The following NDST4 variants were observed in gnomAD, a reference collection of about 807,000 sequenced individuals.
NDST4 encodes N-heparan sulfate sulfotransferase 4.
A neutral mutation model predicts 100.8 loss-of-function variants in NDST4; 63 were observed. The observed-to-expected ratio is 0.62, with a 90% CI of 0.51 to 0.77. The LOEUF is 0.77. Ranked by LOEUF, NDST4 falls within the 30% of genes least tolerant of loss-of-function variation. The pLI is 0.00. For synonymous variants in NDST4, 377 were observed against 361.8 expected (o/e 1.04, Z -0.48); for missense variants, 943 against 1,018.4 (o/e 0.93, Z 1.01).
intron 13 of NDST4, among the ~76,000 whole-genome samples, chr4:114,828,756 T>A (rs1388727353): frequency 6.6e-6 from 1 of 152,128 alleles, no homozygotes; most frequent in Non-Finnish European, 1.5e-5. Context: ...TAACAATGCC[T>A]CCTTCATTGT....
intron 8 of NDST4, among the ~76,000 whole-genome samples, chr4:114,850,067 G>T (rs1044820503): frequency 2.6e-5 from 4 of 152,082 alleles, no homozygotes; most frequent in African/African-American, 9.7e-5. Flanking sequence ...TACTTTTTAA[G>T]ATAACACTTT....
At chr4:115,016,824 C>T (rs1727688393) in intron 2 of NDST4, among the ~76,000 whole-genome samples, 1 of 151,978 alleles carries the variant, frequency 6.6e-6, no homozygotes, top group Non-Finnish European at 1.5e-5. Context: ...GTCATCCCAC[C>T]AGGTAAAGAA....
intron 2 of NDST4, among the ~76,000 whole-genome samples, chr4:115,037,688 A>C (rs1728263487): frequency 6.6e-6 from 1 of 152,150 alleles, no homozygotes; most frequent in Non-Finnish European, 1.5e-5. Flanking sequence ...ATGACTAAAT[A>C]GTTGGTTTGA....
chr4:114,887,277 T>G (rs962888530), intron 6 of NDST4, among the ~76,000 whole-genome samples: 6 of 152,156 alleles, frequency 3.9e-5, no homozygotes, highest in Non-Finnish European at 7.4e-5. Context: ...GTGTAAAAAT[T>G]GATAGACTTC....
At chr4:115,047,345 C>A (rs1189014594) in intron 2 of NDST4, among the ~76,000 whole-genome samples, 1 of 151,922 alleles carries the variant, frequency 6.6e-6, no homozygotes, top group Admixed American at 6.6e-5. Flanking sequence ...TTGATAAATA[C>A]TTTTCAAGGC....
At chr4:114,878,137 C>T (rs28634928) in intron 6 of NDST4, among the ~76,000 whole-genome samples, 13,041 of 152,146 alleles carry the variant, frequency 0.086, 1,637 homozygotes, top group African/African-American at 0.27. Flanking sequence ...GGTTAGGCTA[C>T]TAAAAATTGT....
In NDST4 at chr4:115,059,393, T is replaced by C. The variant is rs374318216; in HGVS notation, c.978+16666A>G. Among the ~76,000 whole-genome samples, 11 of 152,098 alleles carry C rather than the reference T, an allele frequency of 7.2e-5. No homozygotes were observed. The East Asian group carries it at 9.6e-4, about 13-fold the overall frequency. ...TCTCCACACTGTGATTACCTTCATA[T>C]GGAAAAGGGTTTCATATGGTACACA... is the stretch of plus-strand genomic sequence containing the variant. On this transcript the variant is annotated intron_variant, in intron 2 of 13. Coordinates refer to ENST00000264363, the MANE Select transcript of NDST4 (RefSeq NM_022569.3).
intron 2 of NDST4, among the ~76,000 whole-genome samples, chr4:115,010,873 T>C (rs1475522805): frequency 2.6e-5 from 4 of 152,064 alleles, no homozygotes; most frequent in Non-Finnish European, 5.9e-5. Context: ...TTTGGTCACT[T>C]ACTAATAAAA....
At chr4:114,952,034 T>G (rs2126232390) in intron 4 of NDST4, among the ~76,000 whole-genome samples, 1 of 152,268 alleles carries the variant, frequency 6.6e-6, no homozygotes, top group Non-Finnish European at 1.5e-5. Context: ...ATGTTATAAT[T>G]TTCATGTATA....
At chr4:115,065,410 T>C (rs550218954) in intron 2 of NDST4, among the ~76,000 whole-genome samples, 6 of 152,286 alleles carry the variant, frequency 3.9e-5, no homozygotes, top group Admixed American at 1.3e-4. Context: ...ACATTCAAGA[T>C]AGATAGTTCT....
chr4:114,910,296 TCTC>T (rs1206500657), intron 6 of NDST4, among the ~76,000 whole-genome samples: 11 of 152,300 alleles, frequency 7.2e-5, no homozygotes, highest in South Asian at 4.1e-4. Flanking sequence ...CATTCATTCA[TCTC>T]CTCAATTTCT....
intron 2 of NDST4, among the ~76,000 whole-genome samples, chr4:115,049,042 A>G (rs763558177): frequency 6.6e-6 from 1 of 152,150 alleles, no homozygotes; most frequent in Non-Finnish European, 1.5e-5. Flanking sequence ...CATGGATACT[A>G]TGTTTTCTCT....
intron 2 of NDST4, among the ~76,000 whole-genome samples, chr4:115,063,785 T>G (rs1728873480): frequency 6.6e-6 from 1 of 151,944 alleles, no homozygotes; most frequent in South Asian, 2.1e-4. Flanking sequence ...TATAAAAGAT[T>G]GCTTTTTTAC....
At chr4:115,007,601 TACAACCAAGA>T (rs2126258898) in intron 2 of NDST4, among the ~76,000 whole-genome samples, 1 of 67,328 alleles carries the variant, frequency 1.5e-5, no homozygotes, top group South Asian at 7.5e-4. Flanking sequence ...GGAATGATGA[TACAACCAAGA>T]GATAGAAGGA....
In NDST4 at chr4:114,981,047, A is replaced by C. The variant is rs141150456; in HGVS notation, c.979-3773T>G. On this transcript the variant is annotated intron_variant, in intron 2 of 13. Coordinates refer to ENST00000264363, the MANE Select transcript of NDST4 (RefSeq NM_022569.3). ...GGCAACATGGTGCAACCCCTTCTCTACAAAAAAATACAAAAATTAGCCTGG... is the reference window on the plus strand; with the variant it reads ...GGCAACATGGTGCAACCCCTTCTCTCCAAAAAAATACAAAAATTAGCCTGG... Among the ~76,000 whole-genome samples the C allele has an allele frequency of 7.4e-3, 1,124 of 152,174 alleles. 20 individuals carry two copies. The highest frequency in any genetic ancestry group is 0.026 in the African/African-American group (1,066 of 41,542).
intron 2 of NDST4, among the ~76,000 whole-genome samples, chr4:115,038,911 T>C (rs530618158): frequency 3.2e-4 from 49 of 152,054 alleles, no homozygotes; most frequent in African/African-American, 1.0e-3. Context: ...GCCTGGGAGG[T>C]CAAGGCCACG....
rs75145169 is a variant in NDST4 at position 114,859,845 on chromosome 4, G to C, written c.1720-7024C>G. Among the ~76,000 whole-genome samples, 732 of 152,240 alleles carry C rather than the reference G, an allele frequency of 4.8e-3. 2 individuals are homozygous for C. Among genetic ancestry groups the C allele is most frequent in the Non-Finnish European group, 7.3e-3 (499 of 67,998 alleles). ...CTTTTCCCGTCTTTTCAGTTTCATA[G>C]TTTCCCTTATAGGTTTTTCCTGAAA... On this transcript the variant is annotated intron_variant, in intron 7 of 13. Transcript: ENST00000264363.
At chr4:115,061,320 A>G (rs941947010) in intron 2 of NDST4, among the ~76,000 whole-genome samples, 2 of 152,170 alleles carry the variant, frequency 1.3e-5, no homozygotes, top group Admixed American at 1.3e-4. Context: ...AGACACATGC[A>G]TACATATGTT....
At chr4:115,062,508 TAA>T (rs1728846065) in intron 2 of NDST4, among the ~76,000 whole-genome samples, 1 of 151,782 alleles carries the variant, frequency 6.6e-6, no homozygotes, top group African/African-American at 2.4e-5. Context: ...ACAATAAAAT[TAA>T]GTTGTTGTAT....
Sources: allele counts gnomAD v4.1 joint callset (sites outside exome capture counted in the v4.1 genomes callset), GRCh38; gene constraint gnomAD v4.1.1; transcripts MANE v1.5; gene names NCBI Gene and HGNC (gene_info 2026-07-23, HGNC 2026-07-21).